The following ATP10D variants were observed in gnomAD, a reference collection of about 807,000 sequenced individuals.
ATP10D encodes the protein phospholipid-transporting ATPase VD.
ATP10D carries 89 observed loss-of-function variants against 144.8 expected under a neutral mutation model. That is an observed-to-expected ratio of 0.61 (90% CI 0.52 to 0.73). The LOEUF is 0.73. ATP10D is among the 30% of genes least tolerant of loss of function. ATP10D has a pLI of 0.00. For missense variants in ATP10D, 1,603 were observed against 1,714.8 expected, an observed-to-expected ratio of 0.93 and a Z score of 1.15; for synonymous variants, 571 against 615.1, an observed-to-expected ratio of 0.93 and a Z score of 1.06.
chr4:47,555,208 T>A (rs1410267470), intron 11 of ATP10D, among the ~76,000 whole-genome samples: 1 of 152,138 alleles, frequency 6.6e-6, no homozygotes. Flanking sequence ...TCCTGTCAGA[T>A]CAGGGGCAGC....
In ATP10D at chr4:47,557,887, C is replaced by T. The variant is rs199600119; in HGVS notation, c.2048C>T (p.Pro683Leu). The T allele has an allele frequency of 2.4e-5, 39 of 1,614,160 alleles. No homozygotes were observed. The African/African-American group carries it at 4.5e-4, about 19-fold the overall frequency. The change falls in exon 12 of 23, where the codon CCC becomes CTC. Residue 683 changes from proline to leucine, a missense_variant. By Grantham distance (98) the Pro-to-Leu change is moderately conservative. Coordinates refer to ENST00000273859, the MANE Select transcript of ATP10D (RefSeq NM_020453.4). ...EEEVSQVCES[P>L]QCSSSSACCT... ...GAGGTCTCCCAGGTGTGTGAGAGCC[C>T]CCAGTGCTCCAGTAGCTCAGCTTGC... is the stretch of plus-strand genomic sequence containing the variant.
At chr4:47,549,933 T>G in intron 10 of ATP10D, among the ~76,000 whole-genome samples, 1 of 148,216 alleles carries the variant, frequency 6.7e-6, no homozygotes, top group Admixed American at 6.8e-5. Context: ...TGTCAGCATG[T>G]GGTTATTCAC....
At chr4:47,546,985 C>A in intron 10 of ATP10D, 123 bp downstream of exon 10, 1 of 862,066 alleles carries the variant, frequency 1.2e-6, no homozygotes, top group Non-Finnish European at 1.8e-6. Context: ...TACATGATTG[C>A]AGCTCAGCAA....
chr4:47,578,725 A>G (rs890981462), intron 19 of ATP10D, among the ~76,000 whole-genome samples: 3 of 152,072 alleles, frequency 2.0e-5, no homozygotes, highest in African/African-American at 7.2e-5. Flanking sequence ...CTGAGATTTT[A>G]TGGAAGAAAG....
intron 21 of ATP10D, among the ~76,000 whole-genome samples, chr4:47,583,753 C>T (rs1289591357): frequency 2.0e-5 from 3 of 147,314 alleles, no homozygotes; most frequent in African/African-American, 7.7e-5. Context: ...TCTGAATAAC[C>T]TGAACAAATA....
At chr4:47,551,608 T>A (rs1718735772) in intron 10 of ATP10D, among the ~76,000 whole-genome samples, 1 of 152,248 alleles carries the variant, frequency 6.6e-6, no homozygotes, top group African/African-American at 2.4e-5. Flanking sequence ...TGTCAAGTAC[T>A]GAGTTAGGGA....
chr4:47,521,059 C>T (rs1716923513), intron 3 of ATP10D, among the ~76,000 whole-genome samples: 1 of 152,128 alleles, frequency 6.6e-6, no homozygotes, highest in Admixed American at 6.6e-5. Flanking sequence ...TTATAAATTT[C>T]CTTCTTCCTT....
chr4:47,488,612 C>CAAAA (rs56859197), intron 1 of ATP10D, among the ~76,000 whole-genome samples: 49 of 91,254 alleles, frequency 5.4e-4, no homozygotes, highest in East Asian at 1.6e-3. Flanking sequence ...ATATAATAAG[C>CAAAA]AAAAAAAAAA....
intron 16 of ATP10D, among the ~76,000 whole-genome samples, chr4:47,570,254 G>T (rs1390778356): frequency 6.6e-6 from 1 of 152,190 alleles, no homozygotes; most frequent in Non-Finnish European, 1.5e-5. Flanking sequence ...AGAGACATTT[G>T]CTGGCATATT....
intron 9 of ATP10D, among the ~76,000 whole-genome samples, chr4:47,544,752 A>T (rs1015882300): frequency 6.6e-6 from 1 of 152,170 alleles, no homozygotes; most frequent in Non-Finnish European, 1.5e-5. Context: ...AAACTATTAC[A>T]AAAAAATAGA....
intron 1 of ATP10D, among the ~76,000 whole-genome samples, chr4:47,489,283 TG>T (rs1042433928): frequency 6.6e-6 from 1 of 152,206 alleles, no homozygotes; most frequent in Non-Finnish European, 1.5e-5. Flanking sequence ...TGTATCATTT[TG>T]TTGGGAAAAT....
intron 2 of ATP10D, 76 bp from the exon 3 acceptor site, chr4:47,515,400 C>A: frequency 1.7e-6 from 2 of 1,171,802 alleles, no homozygotes; most frequent in South Asian, 3.2e-5. Context: ...TACAGAAAAA[C>A]AATATAGTAC....
chr4:47,570,200 G>C (rs1034514880), intron 16 of ATP10D, among the ~76,000 whole-genome samples: 1 of 152,148 alleles, frequency 6.6e-6, no homozygotes, highest in African/African-American at 2.4e-5. Flanking sequence ...GGAAGGGTTG[G>C]GACGTGGTCA....
chr4:47,571,873 A>T (rs897551090), intron 16 of ATP10D, among the ~76,000 whole-genome samples: 1 of 152,182 alleles, frequency 6.6e-6, no homozygotes, highest in Non-Finnish European at 1.5e-5. Flanking sequence ...AGAAGGGTGT[A>T]TCTGGAGAGT....
intron 1 of ATP10D, among the ~76,000 whole-genome samples, chr4:47,487,006 G>A (rs1458743049): frequency 2.6e-5 from 4 of 151,990 alleles, no homozygotes; most frequent in Non-Finnish European, 1.5e-5. Context: ...CGAGGCAGGC[G>A]GATCACCTGA....
chr4:47,511,850 G>A (rs1716346135), intron 1 of ATP10D, among the ~76,000 whole-genome samples: 1 of 152,220 alleles, frequency 6.6e-6, no homozygotes, highest in Non-Finnish European at 1.5e-5. Flanking sequence ...GGCATGTGGT[G>A]TGGGCTACAG....
chr4:47,525,940 T>C (rs1482846158), intron 5 of ATP10D, among the ~76,000 whole-genome samples: 1 of 152,244 alleles, frequency 6.6e-6, no homozygotes, highest in Non-Finnish European at 1.5e-5. Flanking sequence ...GAATGCTCTA[T>C]GGCCTTGAGC....
rs373941219 is a variant in ATP10D at position 47,591,355 on chromosome 4, G to A, written c.4255G>A (p.Gly1419Arg). Residue 1419 changes from glycine to arginine, a missense_variant, in exon 23 of 23, where the codon GGA (glycine) becomes AGA (arginine). Gly to Arg is a moderately radical substitution (Grantham distance 125). Transcript: ENST00000273859. ...TGAAACTAAGGCCTTTGAGATGGCTGGACCCTCCAAAGGTAAAGAAAGCTA... is the reference window on the plus strand; with the variant it reads ...TGAAACTAAGGCCTTTGAGATGGCTAGACCCTCCAAAGGTAAAGAAAGCTA... ...YSETKAFEMA[G>R]PSKGKES The A allele has an allele frequency of 1.9e-6, 3 of 1,609,920 alleles. No homozygotes were observed. The highest frequency in any genetic ancestry group is 2.7e-5 in the African/African-American group (2 of 74,708).
chr4:47,564,266 A>G (rs1719478937), intron 15 of ATP10D, among the ~76,000 whole-genome samples: 1 of 152,138 alleles, frequency 6.6e-6, no homozygotes, highest in Non-Finnish European at 1.5e-5. Context: ...CTATTCTTCT[A>G]AAGGCCTGAT....
Sources: gnomAD v4.1 joint callset for allele counts (sites outside exome capture counted in the v4.1 genomes callset) on GRCh38, gnomAD v4.1.1 for gene constraint, MANE v1.5 for transcripts, NCBI Gene and HGNC (gene_info 2026-07-23, HGNC 2026-07-21) for gene names.